The following ZNF267 variants were observed in gnomAD, a reference collection of about 807,000 sequenced individuals.
The protein encoded by ZNF267 is zinc finger (C2H2).
Under a neutral mutation model 71.6 loss-of-function variants are expected in ZNF267, and 61 were observed. The ratio of observed to expected loss-of-function variants is 0.85; its 90% CI spans 0.69 to 1.05. The LOEUF is 1.05. Among genes scored for constraint, ZNF267 ranks in the 50% least tolerant of loss-of-function variants. The pLI is 0.00. For missense variants in ZNF267, 852 were observed against 870.0 expected (o/e 0.98, Z 0.26); for synonymous variants, 288 against 293.2 (o/e 0.98, Z 0.18).
chr16:31,901,511 C>G (rs1048943838), intron 3 of ZNF267, among the ~76,000 whole-genome samples: 1 of 152,166 alleles, frequency 6.6e-6, no homozygotes, highest in Non-Finnish European at 1.5e-5. Context: ...GAGATGGTAT[C>G]TCATTGTGGT....
chr16:31,915,212 A>G lies in ZNF267; in HGVS notation c.963A>G (p.Pro321=). ...AGATAATCCATAATGAAGAGAAACC[A>G]TACAAATGTGAAAAATGTGGGGATA... ...RKQIIHNEEK[P]YKCEKCGDSL... The change falls in exon 4 of 4, where the codon CCA becomes CCG. Residue 321 remains proline, a synonymous_variant. Transcript: ENST00000300870. 1 of 1,613,842 alleles carries G rather than the reference A, an allele frequency of 6.2e-7. No individual in the cohort carries two copies. Among genetic ancestry groups the G allele is most frequent in the Non-Finnish European group, 8.5e-7 (1 of 1,179,912 alleles).
At chr16:31,881,849 G>C (rs1596614689) in intron 1 of ZNF267, among the ~76,000 whole-genome samples, 1 of 151,906 alleles carries the variant, frequency 6.6e-6, no homozygotes, top group East Asian at 1.9e-4. Context: ...ATTTTTAGTA[G>C]AGACAGGGTT....
intron 1 of ZNF267, chr16:31,874,368 T>A (rs2083837154): frequency 1.1e-5 from 2 of 184,492 alleles, no homozygotes; most frequent in Non-Finnish European, 2.2e-5. Context: ...TTAAAGGGAG[T>A]CACTGTTAAA....
chr16:31,907,253 TAGTC>T (rs1375041262), intron 3 of ZNF267, among the ~76,000 whole-genome samples: 3 of 152,202 alleles, frequency 2.0e-5, no homozygotes, highest in Non-Finnish European at 2.9e-5. Flanking sequence ...GGAAAATTCT[TAGTC>T]ATTATTACTT....
rs1349033550 is a variant in ZNF267, at chr16:31,914,888, GA to G, written c.644del (p.Asn215IlefsTer11). ...GTTACCGAAATGTTTTTATTGGAGA[GA>G]AAAATTATCATTGCAATAATTCTGA... ...NSYRNVFIGE[K>X]NYHCNNSEKT... On this transcript the variant is annotated frameshift_variant, in exon 4 of 4. Coordinates refer to ENST00000300870, the MANE Select transcript of ZNF267 (RefSeq NM_003414.6). LOFTEE classifies it high-confidence loss of function. 2 of 1,612,006 alleles carry G rather than the reference GA, an allele frequency of 1.2e-6. No individual in the cohort carries two copies. The highest frequency in any genetic ancestry group is 1.7e-6 in the Non-Finnish European group (2 of 1,179,516).
At chr16:31,901,727 T>G (rs1351469415) in intron 3 of ZNF267, among the ~76,000 whole-genome samples, 1 of 152,222 alleles carries the variant, frequency 6.6e-6, no homozygotes, top group Non-Finnish European at 1.5e-5. Context: ...GCAAAAATTT[T>G]CTCCCATTCT....
At chr16:31,888,080 C>G (rs2083935848) in intron 3 of ZNF267, among the ~76,000 whole-genome samples, 1 of 151,866 alleles carries the variant, frequency 6.6e-6, no homozygotes, top group Non-Finnish European at 1.5e-5. Context: ...ACAGATCTTT[C>G]ACTTCTTTTG....
In ZNF267 at chr16:31,915,365, A is replaced by G. The variant is rs149347561; in HGVS notation, c.1116A>G (p.Gln372=). The G allele has an allele frequency of 7.4e-5, 119 of 1,613,518 alleles. No homozygotes were observed. In the African/African-American group the frequency reaches 1.1e-3, roughly 16 times the overall value. ...GTTTATACCTTACTAAACAGCAGCA[A>G]ATTGATACTGGAGAAAACCTTTACA... ...NCSLYLTKQQ[Q]IDTGENLYKC... Residue 372 remains glutamine, a synonymous_variant, in exon 4 of 4, where the codon CAA becomes CAG. Coordinates refer to ENST00000300870, the MANE Select transcript of ZNF267 (RefSeq NM_003414.6).
chr16:31,916,754 A>C lies in ZNF267; in HGVS notation c.*273A>C. The C allele has an allele frequency of 2.9e-6, 1 of 340,334 alleles. No individual in the cohort carries two copies. Among genetic ancestry groups the C allele is most frequent in the Non-Finnish European group, 5.3e-6 (1 of 188,592 alleles). The allele number at this position is 340,334 out of a possible 1,614,324, so 21.1% of individuals were successfully genotyped here. A position where few individuals can be genotyped will look rare whatever the true frequency, so the allele number is the denominator to read the frequency against. On this transcript the variant is annotated 3_prime_UTR_variant, in exon 4 of 4. Transcript: ENST00000300870. ...TGTAAAAATGTGAAAAGTTTTATTC[A>C]AAATATCAAACTTATGAGTCACCTA...
At chr16:31,900,450 T>C (rs1436010267) in intron 3 of ZNF267, among the ~76,000 whole-genome samples, 1 of 152,170 alleles carries the variant, frequency 6.6e-6, no homozygotes, top group Non-Finnish European at 1.5e-5. Flanking sequence ...TTTATTTCTT[T>C]ATTTTTTTTC....
intron 3 of ZNF267, among the ~76,000 whole-genome samples, chr16:31,893,944 G>A (rs1164807804): frequency 6.6e-6 from 1 of 152,204 alleles, no homozygotes; most frequent in Non-Finnish European, 1.5e-5. Flanking sequence ...GTGGGTATAA[G>A]TTGTCCTCTG....
intron 3 of ZNF267, chr16:31,913,835 C>G (rs1010734770): frequency 6.6e-6 from 1 of 152,414 alleles, no homozygotes; most frequent in Non-Finnish European, 1.5e-5. Context: ...GGGACTTACT[C>G]TTTGGTGCAG....
At chr16:31,909,707 A>G (rs892689065) in intron 3 of ZNF267, among the ~76,000 whole-genome samples, 1 of 152,236 alleles carries the variant, frequency 6.6e-6, no homozygotes, top group African/African-American at 2.4e-5. Flanking sequence ...TCTGCAAACA[A>G]GAATAATTTG....
chr16:31,888,814 G>T (rs2083940776), intron 3 of ZNF267, among the ~76,000 whole-genome samples: 1 of 151,936 alleles, frequency 6.6e-6, no homozygotes, highest in African/African-American at 2.4e-5. Flanking sequence ...TGAGATGTTG[G>T]TGGTCTCATA....
At chr16:31,887,899 A>C (rs1184198008) in intron 3 of ZNF267, among the ~76,000 whole-genome samples, 1 of 151,926 alleles carries the variant, frequency 6.6e-6, no homozygotes. Context: ...AATTTTTTCT[A>C]TTTCTGTGAA....
intron 3 of ZNF267, among the ~76,000 whole-genome samples, chr16:31,901,895 C>G (rs1249793174): frequency 6.6e-6 from 1 of 152,146 alleles, no homozygotes; most frequent in Non-Finnish European, 1.5e-5. Flanking sequence ...ATGGTATTAC[C>G]TAGGTTTTCT....
intron 3 of ZNF267, among the ~76,000 whole-genome samples, chr16:31,905,319 T>A (rs1192044143): frequency 6.6e-6 from 1 of 152,056 alleles, no homozygotes; most frequent in East Asian, 1.9e-4. Context: ...TTTCCTGAAT[T>A]TGAATGTTTG....
Position 31,883,374 on chromosome 16 carries a change from T to G in ZNF267, c.4-1124T>G, listed in dbSNP as rs1008791237. ...TTTAAATTTTATTTACACAGAAATA[T>G]TATCTTACTTTTAGTGTGTATATAG... is the stretch of plus-strand genomic sequence containing the variant. On this transcript the variant is annotated intron_variant, in intron 1 of 3. Transcript: ENST00000300870. 3.3e-5 allele frequency among the ~76,000 whole-genome samples: 5 copies of G among 152,188 alleles called. No individual in the cohort carries two copies. In the South Asian group the frequency reaches 6.2e-4, roughly 19 times the overall value.
chr16:31,900,360 T>TA (rs1171197432), intron 3 of ZNF267, among the ~76,000 whole-genome samples: 10 of 152,250 alleles, frequency 6.6e-5, no homozygotes, highest in Admixed American at 6.5e-4. Context: ...TATTTTTCAA[T>TA]ATAAAGAACT....
Sources: gnomAD v4.1 joint callset for allele counts (sites outside exome capture counted in the v4.1 genomes callset) on GRCh38, gnomAD v4.1.1 for gene constraint, MANE v1.5 for transcripts, NCBI Gene and HGNC (gene_info 2026-07-23, HGNC 2026-07-21) for gene names.